The following RANBP2 variants were observed in gnomAD, a reference collection of about 807,000 sequenced individuals.
RANBP2 encodes E3 SUMO-protein ligase RanBP2.
RANBP2 carries 57 observed loss-of-function variants against 303.6 expected under a neutral mutation model. That is an observed-to-expected ratio of 0.19 (90% confidence interval 0.15 to 0.23). The LOEUF is 0.23. RANBP2 is among the 10% of genes least tolerant of loss of function. RANBP2 has a pLI of 1.00. For synonymous variants in RANBP2, 1,167 were observed against 1,301.5 expected (o/e 0.90, Z 2.23); for missense variants, 3,138 against 3,780.8 (o/e 0.83, Z 4.46).
At chr2:109,437,420 A>G in the RANBP2 span, among the ~76,000 whole-genome samples, 1 of 152,138 alleles carries the variant, frequency 6.6e-6, no homozygotes, top group African/African-American at 2.4e-5. Context: ...TTGCCTTATC[A>G]TGTTACCCAT....
chr2:109,008,914 A>G, the RANBP2 span, among the ~76,000 whole-genome samples: 2 of 151,164 alleles, frequency 1.3e-5, no homozygotes, highest in African/African-American at 4.9e-5. Flanking sequence ...AAAAAAAGAA[A>G]AGAAAAGAAA....
the RANBP2 span, chr2:109,732,908 C>T: frequency 2.4e-6 from 2 of 816,678 alleles, no homozygotes; most frequent in African/African-American, 3.4e-5. Flanking sequence ...TGGAAGAACA[C>T]TATGTGGCCC....
chr2:109,161,625 C>T, the RANBP2 span, among the ~76,000 whole-genome samples: 1 of 151,904 alleles, frequency 6.6e-6, no homozygotes, highest in African/African-American at 2.4e-5. Context: ...GACTGGGCAA[C>T]TGGCAAGGGT....
chr2:109,527,605 AATC>A, the RANBP2 span, among the ~76,000 whole-genome samples: 1 of 152,170 alleles, frequency 6.6e-6, no homozygotes, highest in Non-Finnish European at 1.5e-5. Context: ...CATAGTATCG[AATC>A]ATGTGAATTT....
chr2:109,063,926 G>A, the RANBP2 span, among the ~76,000 whole-genome samples: 11 of 152,214 alleles, frequency 7.2e-5, no homozygotes, highest in African/African-American at 2.6e-4. Context: ...ATTCTTTTGG[G>A]CTTATTCTCA....
At chr2:108,856,111 T>C in the RANBP2 span, among the ~76,000 whole-genome samples, 9 of 152,220 alleles carry the variant, frequency 5.9e-5, no homozygotes, top group African/African-American at 2.2e-4. Flanking sequence ...GCAATGATTC[T>C]GCTTAAATTA....
At chr2:108,929,483 G>T in the RANBP2 span, 1 of 1,250,438 alleles carries the variant, frequency 8.0e-7, no homozygotes. Context: ...GTCTCCAGAA[G>T]CTACTCTTGC....
the RANBP2 span, among the ~76,000 whole-genome samples, chr2:109,344,927 C>T: frequency 5.7e-4 from 87 of 152,220 alleles, no homozygotes; most frequent in Admixed American, 7.2e-4. Flanking sequence ...ATCACAGGCA[C>T]AGGTTGATTT....
At chr2:109,494,324 C>T in the RANBP2 span, among the ~76,000 whole-genome samples, 2 of 152,148 alleles carry the variant, frequency 1.3e-5, no homozygotes, top group Non-Finnish European at 2.9e-5. Flanking sequence ...CACTCTGTAG[C>T]ACTCATTAAA....
chr2:108,930,175 GTCT>G, the RANBP2 span: 1 of 1,614,100 alleles, frequency 6.2e-7, no homozygotes, highest in Non-Finnish European at 8.5e-7. Context: ...CAGCCCCGTA[GTCT>G]GGTTGTAGTA....
Position 108,785,598 on chromosome 2 carries a change from C to T in RANBP2, c.*1697C>T, listed in dbSNP as rs1300649289. ...AAATGACATGTAAACTGACTTTTCC[C>T]GTATTAGTATTCCAAAGATGCTTAA... On this transcript the variant is annotated 3_prime_UTR_variant, in exon 29 of 29. Coordinates refer to ENST00000283195, the MANE Select transcript of RANBP2 (RefSeq NM_006267.5). 3 of 152,268 alleles carry T rather than the reference C, an allele frequency of 2.0e-5. No homozygotes were observed. Among genetic ancestry groups the T allele is most frequent in the South Asian group, 2.1e-4 (1 of 4,822 alleles). The allele number at this position is 152,268 out of a possible 1,614,324, so 9.4% of individuals were successfully genotyped here. A position where few individuals can be genotyped will look rare whatever the true frequency, so the allele number is the denominator to read the frequency against.
At chr2:109,116,034 C>T in the RANBP2 span, among the ~76,000 whole-genome samples, 2 of 152,154 alleles carry the variant, frequency 1.3e-5, no homozygotes, top group Non-Finnish European at 2.9e-5. Context: ...TTGTGGGTAA[C>T]CCAATCTTTC....
the RANBP2 span, among the ~76,000 whole-genome samples, chr2:109,375,654 A>T: frequency 6.6e-6 from 1 of 152,204 alleles, no homozygotes; most frequent in Non-Finnish European, 1.5e-5. Flanking sequence ...GAGTGAACTC[A>T]CAGGAGGATG....
the RANBP2 span, among the ~76,000 whole-genome samples, chr2:109,233,507 G>A: frequency 1.2e-4 from 19 of 152,216 alleles, no homozygotes; most frequent in African/African-American, 4.3e-4. Flanking sequence ...CAGGATGGGG[G>A]TGTGGTGGGC....
the RANBP2 span, among the ~76,000 whole-genome samples, chr2:109,085,128 G>A: frequency 6.6e-6 from 1 of 152,138 alleles, no homozygotes. Flanking sequence ...AAGCCGAGGA[G>A]GACCGGGTTT....
the RANBP2 span, among the ~76,000 whole-genome samples, chr2:109,362,150 T>C: frequency 6.6e-6 from 1 of 152,168 alleles, no homozygotes; most frequent in African/African-American, 2.4e-5. Flanking sequence ...AAAGTGAAGA[T>C]TTAGATTATT....
chr2:109,095,210 C>T, the RANBP2 span, among the ~76,000 whole-genome samples: 19 of 152,326 alleles, frequency 1.2e-4, no homozygotes, highest in South Asian at 8.3e-4. Context: ...ATCTTCACTT[C>T]GTCTGATAGC....
the RANBP2 span, chr2:108,908,114 G>A: frequency 1.5e-6 from 2 of 1,357,134 alleles, no homozygotes; most frequent in Non-Finnish European, 2.0e-6. Context: ...GCCCAGCTGT[G>A]GACAGTGGGG....
the RANBP2 span, among the ~76,000 whole-genome samples, chr2:109,439,783 T>C: frequency 2.0e-5 from 3 of 150,844 alleles, no homozygotes; most frequent in Admixed American, 1.3e-4. Context: ...TGCAGGGGTC[T>C]GGAAACAGAG....
Sources: allele counts gnomAD v4.1 joint callset (sites outside exome capture counted in the v4.1 genomes callset), GRCh38; gene constraint gnomAD v4.1.1; transcripts MANE v1.5; gene names NCBI Gene and HGNC (gene_info 2026-07-23, HGNC 2026-07-21).